The following MAF variants were observed in gnomAD, a reference collection of about 807,000 sequenced individuals.
MAF encodes the protein transcription factor Maf.
MAF carries 10 observed loss-of-function variants against 22.0 expected under a neutral mutation model. The ratio of observed to expected loss-of-function variants is 0.45; its 90% CI spans 0.28 to 0.77. MAF has a LOEUF of 0.77. MAF is among the 30% of genes least tolerant of loss of function. The pLI, the probability that MAF is intolerant of heterozygous loss-of-function variation, is 0.12. For missense variants in MAF, 544 were observed against 548.4 expected, an observed-to-expected ratio of 0.99 and a Z score of 0.08; for synonymous variants, 337 against 255.8, an observed-to-expected ratio of 1.32 and a Z score of -3.03.
At chr16:79,478,439 G>T in the MAF span, among the ~76,000 whole-genome samples, 3 of 152,292 alleles carry the variant, frequency 2.0e-5, no homozygotes, top group South Asian at 2.1e-4. Context: ...GTCATCCATG[G>T]CTACCGGGTT....
the MAF span, among the ~76,000 whole-genome samples, chr16:79,366,884 C>T: frequency 2.6e-5 from 4 of 152,160 alleles, no homozygotes; most frequent in Admixed American, 6.5e-5. Flanking sequence ...CAAACTCCTA[C>T]CAAGAGCTAA....
At chr16:79,587,614 A>C (rs1050902473) in intron 1 of MAF, among the ~76,000 whole-genome samples, 1 of 152,170 alleles carries the variant, frequency 6.6e-6, no homozygotes, top group Non-Finnish European at 1.5e-5. Context: ...CAATTTTAGA[A>C]AATTATTACA....
At chr16:79,492,603 A>G in the MAF span, among the ~76,000 whole-genome samples, 2 of 152,214 alleles carry the variant, frequency 1.3e-5, no homozygotes, top group African/African-American at 4.8e-5. Context: ...ACCTTACCAT[A>G]GCCCCAAAGC....
chr16:79,238,199 C>G, the MAF span, among the ~76,000 whole-genome samples: 1 of 152,034 alleles, frequency 6.6e-6, no homozygotes, highest in Non-Finnish European at 1.5e-5. Flanking sequence ...TGGGACAGAG[C>G]CCAGCATCCC....
chr16:79,590,484 G>C (rs371021167), downstream of MAF, among the ~76,000 whole-genome samples: 1 of 152,156 alleles, frequency 6.6e-6, no homozygotes, highest in South Asian at 2.1e-4. Flanking sequence ...TGAGGACAGT[G>C]ACTTTTGAGG....
In MAF at chr16:79,595,961, A is replaced by G. The variant is rs552372055; in HGVS notation, c.1119-1408T>C. The stretch of plus-strand genomic sequence containing the variant: ...ACAAAACAAACAACTATGATTTGTC[A>G]TGTTTATGTTAAATCTTGTCAGGCC... On this transcript the variant is annotated intron_variant, in intron 1 of 1. Transcript: ENST00000326043. The G allele has an allele frequency of 1.2e-5, 13 of 1,061,412 alleles. No individual in the cohort carries two copies. In the South Asian group the frequency reaches 5.5e-4, roughly 45 times the overall value. 65.7% of individuals were successfully genotyped at this position (1,061,412 alleles called of 1,614,324 possible). A position where few individuals can be genotyped will look rare whatever the true frequency, so the allele number is the denominator to read the frequency against.
exon 2 of MAF, chr16:79,585,914 C>T (rs1468692866): frequency 1.5e-6 from 1 of 685,346 alleles, no homozygotes; most frequent in Non-Finnish European, 2.6e-6. Context: ...TTTTTCACAT[C>T]ACTGATGTAG....
chr16:79,227,095 T>G, the MAF span, among the ~76,000 whole-genome samples: 1 of 152,150 alleles, frequency 6.6e-6, no homozygotes, highest in Admixed American at 6.6e-5. Context: ...CCCAGCCCTT[T>G]GGCAGGCTAA....
the MAF span, among the ~76,000 whole-genome samples, chr16:79,266,317 G>A: frequency 6.6e-6 from 1 of 152,116 alleles, no homozygotes; most frequent in Admixed American, 6.6e-5. Context: ...GGTTGACCAC[G>A]GGTAACTGAA....
At chr16:79,326,883 A>G in the MAF span, among the ~76,000 whole-genome samples, 1 of 152,250 alleles carries the variant, frequency 6.6e-6, no homozygotes, top group Non-Finnish European at 1.5e-5. Flanking sequence ...GCCTCTGAAC[A>G]GGAAATGAAT....
chr16:79,241,101 G>T, the MAF span, among the ~76,000 whole-genome samples: 2 of 152,090 alleles, frequency 1.3e-5, no homozygotes, highest in African/African-American at 2.4e-5. Context: ...GCGCAAAAAG[G>T]CTGGAAATTC....
At chr16:79,493,187 G>GTTTTTTT in the MAF span, among the ~76,000 whole-genome samples, 2 of 140,530 alleles carry the variant, frequency 1.4e-5, no homozygotes, top group Non-Finnish European at 3.2e-5. Context: ...TTGTTTTTTT[G>GTTTTTTT]TTTTTGTTTT....
At chr16:79,315,195 C>T in the MAF span, among the ~76,000 whole-genome samples, 2 of 152,046 alleles carry the variant, frequency 1.3e-5, no homozygotes, top group African/African-American at 4.8e-5. Flanking sequence ...CATTCCTGCC[C>T]TTGTGGAGTT....
At chr16:79,563,597 T>G in the MAF span, among the ~76,000 whole-genome samples, 1 of 152,226 alleles carries the variant, frequency 6.6e-6, no homozygotes, top group Non-Finnish European at 1.5e-5. Flanking sequence ...TTTATGGCAT[T>G]TAAAATAATA....
chr16:79,239,102 A>T, the MAF span, among the ~76,000 whole-genome samples: 2 of 152,038 alleles, frequency 1.3e-5, no homozygotes, highest in Non-Finnish European at 2.9e-5. Flanking sequence ...ATTTGTCCAT[A>T]GTCACTGTCC....
the MAF span, among the ~76,000 whole-genome samples, chr16:79,304,279 C>A: frequency 6.6e-6 from 1 of 152,158 alleles, no homozygotes; most frequent in Non-Finnish European, 1.5e-5. Flanking sequence ...CCTTTCCAGG[C>A]AAGCAGCCCC....
the MAF span, among the ~76,000 whole-genome samples, chr16:79,518,625 T>C: frequency 2.6e-5 from 4 of 152,232 alleles, no homozygotes; most frequent in Non-Finnish European, 5.9e-5. Context: ...GAAATGCTGA[T>C]AACACTTTAC....
the MAF span, among the ~76,000 whole-genome samples, chr16:79,538,925 GA>G: frequency 6.6e-6 from 1 of 151,024 alleles, no homozygotes; most frequent in Non-Finnish European, 1.5e-5. Flanking sequence ...AATCACCCAG[GA>G]AAATACAAAC....
chr16:79,571,648 C>T, the MAF span, among the ~76,000 whole-genome samples: 15,872 of 148,294 alleles, frequency 0.11, 1,194 homozygotes, highest in East Asian at 0.32. Flanking sequence ...GTAGGCCAAA[C>T]GTAGTGGGTT....
Sources: gnomAD v4.1 joint callset for allele counts (sites outside exome capture counted in the v4.1 genomes callset) on GRCh38, gnomAD v4.1.1 for gene constraint, MANE v1.5 for transcripts, NCBI Gene and HGNC (gene_info 2026-07-23, HGNC 2026-07-21) for gene names.